Variants in SLC4A5 observed in about 807,000 individuals in gnomAD.
SLC4A5 encodes electrogenic sodium bicarbonate cotransporter 4.
A neutral mutation model predicts 120.4 loss-of-function variants in SLC4A5; 96 were observed. That is an observed-to-expected ratio of 0.80 (90% confidence interval 0.68 to 0.94). The LOEUF (loss-of-function observed/expected upper bound fraction) is 0.94, where lower values mean the gene tolerates loss of function less well. Ranked by LOEUF, SLC4A5 falls within the 40% of genes least tolerant of loss-of-function variation. SLC4A5 has a pLI of 0.00. For missense variants in SLC4A5, 1,259 were observed against 1,459.5 expected, an observed-to-expected ratio of 0.86 and a Z score of 2.24; for synonymous variants, 550 against 571.1, an observed-to-expected ratio of 0.96 and a Z score of 0.53.
intron 30 of SLC4A5, among the ~76,000 whole-genome samples, chr2:74,220,711 T>G (rs1572996940): frequency 6.7e-6 from 1 of 148,890 alleles, no homozygotes; most frequent in Non-Finnish European, 1.5e-5. Flanking sequence ...AGAGACAGGG[T>G]TTCACCATGT....
chr2:74,299,625 A>G (rs1304645293), intron 7 of SLC4A5, among the ~76,000 whole-genome samples: 1 of 152,246 alleles, frequency 6.6e-6, no homozygotes, highest in Non-Finnish European at 1.5e-5. Flanking sequence ...AGTGCTCACC[A>G]TCACTAATCA....
intron 23 of SLC4A5, 101 bp downstream of exon 23, chr2:74,233,301 C>T: frequency 7.2e-6 from 10 of 1,393,064 alleles, no homozygotes; most frequent in Non-Finnish European, 1.0e-5. Flanking sequence ...CTCATATTTT[C>T]CTGGCCCAAA....
chr2:74,246,513 G>T (rs1199684604), intron 19 of SLC4A5, among the ~76,000 whole-genome samples: 1 of 152,178 alleles, frequency 6.6e-6, no homozygotes, highest in South Asian at 2.1e-4. Flanking sequence ...ATAAGCCCCG[G>T]TTCTCCAACT....
intron 28 of SLC4A5, 93 bp downstream of exon 28, chr2:74,224,747 C>G: frequency 6.6e-7 from 1 of 1,525,238 alleles, no homozygotes; most frequent in South Asian, 1.3e-5. Context: ...TGCTGCAGGC[C>G]ACCCAAGAAG....
intron 11 of SLC4A5, among the ~76,000 whole-genome samples, chr2:74,260,481 C>G (rs900976258): frequency 6.6e-6 from 1 of 152,162 alleles, no homozygotes; most frequent in Admixed American, 6.5e-5. Context: ...TTTAGTCTGA[C>G]TCCTCTTCTG....
At chr2:74,265,146 C>T (rs1671262494) in exon 9 of SLC4A5, 1 of 1,614,088 alleles carries the variant, frequency 6.2e-7, no homozygotes, top group Non-Finnish European at 8.5e-7. Context: ...TCCAGCAGCA[C>T]CGTCCCCGTC....
intron 8 of SLC4A5, among the ~76,000 whole-genome samples, chr2:74,283,765 G>C (rs1277431004): frequency 1.3e-5 from 2 of 152,112 alleles, no homozygotes; most frequent in Non-Finnish European, 2.9e-5. Context: ...TTTCTTCGAG[G>C]AGTGAAAATA....
chr2:74,243,341 C>G (rs1670507063), intron 19 of SLC4A5, among the ~76,000 whole-genome samples: 1 of 152,222 alleles, frequency 6.6e-6, no homozygotes, highest in South Asian at 2.1e-4. Flanking sequence ...CTTTGGAGGC[C>G]TGCTGCCCTC....
At chr2:74,296,113 T>C (rs1190775432) in intron 7 of SLC4A5, among the ~76,000 whole-genome samples, 3 of 152,152 alleles carry the variant, frequency 2.0e-5, no homozygotes, top group Non-Finnish European at 4.4e-5. Flanking sequence ...TCTCTCCTGG[T>C]AGGGTTTTTT....
intron 8 of SLC4A5, among the ~76,000 whole-genome samples, chr2:74,275,163 G>A (rs1050878104): frequency 5.9e-5 from 9 of 152,206 alleles, no homozygotes. Flanking sequence ...GAACTGCAGT[G>A]GCACAGCTGG....
chr2:74,307,937 G>A (rs75185537), intron 6 of SLC4A5: 14,407 of 516,450 alleles, frequency 0.028, 267 homozygotes, highest in Middle Eastern at 0.047. Flanking sequence ...GCCAGGCGCC[G>A]TAGCTGGGTG....
At chr2:74,306,884 G>T in intron 6 of SLC4A5, 1 of 628,708 alleles carries the variant, frequency 1.6e-6, no homozygotes, top group Non-Finnish European at 2.9e-6. Context: ...AGTGGTAGGT[G>T]GTGATCTCAG....
chr2:74,221,596 A>T, intron 29 of SLC4A5, 95 bp from the exon 30 acceptor site: 1 of 1,253,550 alleles, frequency 8.0e-7, no homozygotes, highest in Non-Finnish European at 1.2e-6. Context: ...TCCTTCTCTA[A>T]CCCTAGAGCC....
chr2:74,294,200 C>T (rs1022489936), intron 7 of SLC4A5, among the ~76,000 whole-genome samples: 4 of 152,118 alleles, frequency 2.6e-5, no homozygotes, highest in Non-Finnish European at 5.9e-5. Flanking sequence ...GAGATCCCTC[C>T]GTCTTTCCCA....
upstream of SLC4A5, chr2:74,343,408 G>A (rs1573122478): frequency 6.6e-6 from 1 of 152,162 alleles, no homozygotes; most frequent in African/African-American, 2.4e-5. Flanking sequence ...CCTTTAGGGT[G>A]GACCTTGCAG....
At chr2:74,292,113 G>T (rs13410928) in intron 7 of SLC4A5, among the ~76,000 whole-genome samples, 3,715 of 152,170 alleles carry the variant, frequency 0.024, 173 homozygotes, top group African/African-American at 0.084. Flanking sequence ...TAATAATCAC[G>T]CCCCCCTCAC....
chr2:74,227,660 A>G (rs1694895146), intron 26 of SLC4A5, 150 bp downstream of exon 26: 11 of 1,150,960 alleles, frequency 9.6e-6, no homozygotes, highest in Admixed American at 6.7e-5. Flanking sequence ...TAGCATCAGT[A>G]AGTGGTAGTA....
At chr2:74,216,629 G>C (rs1044156227) in exon 31 of SLC4A5, 2 of 152,108 alleles carry the variant, frequency 1.3e-5, no homozygotes, top group Non-Finnish European at 2.9e-5. Flanking sequence ...TTGTTTATAA[G>C]ACATGGATTC....
At chr2:74,228,292 G>A (rs1288212267) in intron 25 of SLC4A5, among the ~76,000 whole-genome samples, 1 of 152,172 alleles carries the variant, frequency 6.6e-6, no homozygotes, top group African/African-American at 2.4e-5. Flanking sequence ...CTTTTAATGA[G>A]CTGATCTACA....
Sources: gnomAD v4.1 joint callset for allele counts (sites outside exome capture counted in the v4.1 genomes callset) on GRCh38, gnomAD v4.1.1 for gene constraint, MANE v1.5 for transcripts, NCBI Gene and HGNC (gene_info 2026-07-23, HGNC 2026-07-21) for gene names.